Variants in ADGRD1 observed in about 807,000 individuals in gnomAD.
ADGRD1 encodes G-protein coupled receptor 133.
Under a neutral mutation model 113.4 loss-of-function variants are expected in ADGRD1, and 77 were observed. The ratio of observed to expected loss-of-function variants is 0.68; its 90% CI spans 0.57 to 0.82. The LOEUF (loss-of-function observed/expected upper bound fraction) is 0.82, where lower values mean the gene tolerates loss of function less well. ADGRD1 is among the 40% of genes least tolerant of loss of function. ADGRD1 has a pLI of 0.00. For synonymous variants in ADGRD1, 474 were observed against 475.0 expected, an observed-to-expected ratio of 1.00 and a Z score of 0.03; for missense variants, 1,036 against 1,139.1, an observed-to-expected ratio of 0.91 and a Z score of 1.30.
At chr12:131,076,159 T>C (rs1243491373) in intron 13 of ADGRD1, among the ~76,000 whole-genome samples, 2 of 152,198 alleles carry the variant, frequency 1.3e-5, no homozygotes, top group East Asian at 3.9e-4. Context: ...TGTTCATTCA[T>C]TGAACAGATA....
At chr12:130,962,302 T>G (rs1555233548) in intron 2 of ADGRD1, 1 of 152,294 alleles carries the variant, frequency 6.6e-6, no homozygotes, top group Non-Finnish European at 1.5e-5. Flanking sequence ...GAACTCTGGC[T>G]GGCTTTGGGG....
At chr12:131,088,620 G>A (rs996487718) in intron 15 of ADGRD1, among the ~76,000 whole-genome samples, 1 of 152,188 alleles carries the variant, frequency 6.6e-6, no homozygotes, top group Non-Finnish European at 1.5e-5. Flanking sequence ...GGTCCTCGGG[G>A]AAACGCCAGG....
In ADGRD1 at chr12:130,994,151, G is replaced by A. The variant is rs199580786; in HGVS notation, c.966+1759G>A. 1.7e-5 allele frequency: 6 copies of A among 361,554 alleles called. No homozygotes were observed. In the East Asian group the frequency reaches 3.1e-4, roughly 18 times the overall value. The allele number at this position is 361,554 out of a possible 1,614,324, so 22.4% of individuals were successfully genotyped here. The stretch of plus-strand genomic sequence containing the variant: ...CAGTGTGGGAGCGCTTCCGGGCTCC[G>A]AAGGGAAGGACCCGCGGGGTGTTGG... On this transcript the variant is annotated intron_variant, in intron 8 of 24. Coordinates refer to ENST00000261654, the MANE Select transcript of ADGRD1 (RefSeq NM_198827.5).
Position 131,136,103 on chromosome 12 carries a change from T to A in ADGRD1, c.2334T>A (p.Leu778=). ...GTACCTCGTGGGTCTTTGGCGTGCT[T>A]GCTGTCAACGGTTGTGCTGTGGTTT... ...ILGTSWVFGV[L]AVNGCAVVFQ... is the part of the protein sequence containing the mutation. The change falls in exon 22 of 25, where the codon CTT becomes CTA. Residue 778 remains leucine (L), a synonymous_variant. Coordinates refer to ENST00000261654, the MANE Select transcript of ADGRD1 (RefSeq NM_198827.5). The A allele has an allele frequency of 6.2e-7, 1 of 1,614,230 alleles. No homozygotes were observed. The highest frequency in any genetic ancestry group is 1.1e-5 in the South Asian group (1 of 91,084).
chr12:131,014,015 G>A (rs1878249900), intron 12 of ADGRD1, among the ~76,000 whole-genome samples, 184 bp from the exon 13 acceptor site: 1 of 152,244 alleles, frequency 6.6e-6, no homozygotes, highest in Admixed American at 6.5e-5. Flanking sequence ...GAACTCGCCT[G>A]CAGGTACCAG....
In ADGRD1 at chr12:130,991,039, G is replaced by A. The variant is rs1209112760; in HGVS notation, c.771G>A (p.Thr257=). ...GAAAGCATGCTTTATTGTCTTCAACGCTGCCAAGCCTCTTCATGACATCCA... is the reference window on the plus strand; with the variant it reads ...GAAAGCATGCTTTATTGTCTTCAACACTGCCAAGCCTCTTCATGACATCCA... ...AIGKHALLSS[T]LPSLFMTSTA... The change falls in exon 7 of 25, where the codon ACG becomes ACA. Residue 257 remains threonine (T), a synonymous_variant. Transcript: ENST00000261654. The A allele has an allele frequency of 1.9e-6, 3 of 1,614,002 alleles. No homozygotes were observed. The highest frequency in any genetic ancestry group is 1.7e-5 in the Admixed American group (1 of 60,016).
chr12:131,068,622 A>G (rs1884913054), intron 13 of ADGRD1, among the ~76,000 whole-genome samples: 1 of 152,194 alleles, frequency 6.6e-6, no homozygotes, highest in African/African-American at 2.4e-5. Flanking sequence ...TTCTCCTGAA[A>G]GTTTAAAGAC....
At chr12:131,002,230 T>A (rs926465946) in intron 9 of ADGRD1, among the ~76,000 whole-genome samples, 1 of 152,172 alleles carries the variant, frequency 6.6e-6, no homozygotes, top group African/African-American at 2.4e-5. Context: ...TGTTACAAAA[T>A]ATGAATAACC....
intron 13 of ADGRD1, chr12:131,030,623 A>G (rs1404260573): frequency 6.6e-6 from 1 of 152,230 alleles, no homozygotes; most frequent in African/African-American, 2.4e-5. Flanking sequence ...TCAGCTGCAC[A>G]TCGGGGCAGG....
chr12:131,097,546 T>C (rs1362710884), intron 15 of ADGRD1, among the ~76,000 whole-genome samples: 1 of 152,194 alleles, frequency 6.6e-6, no homozygotes, highest in East Asian at 1.9e-4. Flanking sequence ...TGCTGGCACA[T>C]GCTACGGCTG....
intron 15 of ADGRD1, among the ~76,000 whole-genome samples, chr12:131,102,316 T>C (rs1391944324): frequency 6.6e-6 from 1 of 152,222 alleles, no homozygotes; most frequent in Non-Finnish European, 1.5e-5. Flanking sequence ...TTTGTTTCCA[T>C]TGCCGAGAAT....
At chr12:130,995,452 C>G (rs1238979697) in intron 8 of ADGRD1, among the ~76,000 whole-genome samples, 1 of 152,246 alleles carries the variant, frequency 6.6e-6, no homozygotes, top group African/African-American at 2.4e-5. Flanking sequence ...TCTTCCTTCT[C>G]TCCCTCAGCT....
rs771102978 is a variant in ADGRD1, at chr12:131,004,277, C to T, written c.1236C>T (p.His412=). The part of the protein sequence containing the change: ...AHGQSFIQIP[H]EAFHRHAWST... Reference sequence around the variant, plus strand: ...GGCAGAGCTTCATCCAGATCCCCCACGAGGCCTTCCACAGGCACGGTGAGT... The same window carrying T: ...GGCAGAGCTTCATCCAGATCCCCCATGAGGCCTTCCACAGGCACGGTGAGT... Residue 412 remains histidine, a synonymous_variant, in exon 11 of 25, where the codon CAC becomes CAT. Coordinates refer to ENST00000261654, the MANE Select transcript of ADGRD1 (RefSeq NM_198827.5). The T allele has an allele frequency of 1.2e-5, 20 of 1,612,776 alleles. No individual in the cohort carries two copies. The highest frequency in any genetic ancestry group is 1.7e-4 in the Middle Eastern group (1 of 6,058).
chr12:130,999,319 C>T (rs2136707126), intron 8 of ADGRD1, among the ~76,000 whole-genome samples: 1 of 152,372 alleles, frequency 6.6e-6, no homozygotes, highest in South Asian at 2.1e-4. Flanking sequence ...ACCCATGAGG[C>T]CTGACCTCGT....
At chr12:131,086,173 C>T (rs983493969) in intron 15 of ADGRD1, among the ~76,000 whole-genome samples, 1 of 152,196 alleles carries the variant, frequency 6.6e-6, no homozygotes, top group African/African-American at 2.4e-5. Context: ...TCCGCAGTGT[C>T]TGCACTGGGC....
rs971156232 is a variant in ADGRD1 at position 131,057,961 on chromosome 12, G to T, written c.1474-18840G>T. On this transcript the variant is annotated intron_variant, in intron 13 of 24. Coordinates refer to ENST00000261654, the MANE Select transcript of ADGRD1 (RefSeq NM_198827.5). The surrounding 1 kb of genome is among the most constrained non-coding windows in gnomAD (Gnocchi z 4.2). ...CTTGTTCATGTTTTTCCTTGTCTAT[G>T]CACCAGGGAGAATGAGCTTCTGTTA... 3.9e-5 allele frequency among the ~76,000 whole-genome samples: 6 copies of T among 152,136 alleles called. No individual in the cohort carries two copies. The highest frequency in any genetic ancestry group is 1.4e-4 in the African/African-American group (6 of 41,438).
Position 131,118,399 on chromosome 12 carries a change from A to T in ADGRD1, c.2056A>T (p.Ile686Phe), listed in dbSNP as rs745354273. ...YGMGWGFPLLICIISLSFAMD... is the reference protein window; with the variant it reads ...YGMGWGFPLLFCIISLSFAMD... ...ATCTTCTGCAGGTTTTCCTCTTCTG[A>T]TCTGCATCATTTCACTGTCATTTGC... The change falls in exon 19 of 25, where the codon ATC becomes TTC. Residue 686 changes from isoleucine (I) to phenylalanine (F), a missense_variant. Coordinates refer to ENST00000261654, the MANE Select transcript of ADGRD1 (RefSeq NM_198827.5). 1.1e-5 allele frequency: 17 copies of T among 1,611,734 alleles called. No homozygotes were observed. The highest frequency in any genetic ancestry group is 1.7e-6 in the Non-Finnish European group (2 of 1,179,110).
chr12:131,043,467 A>G (rs911094952), intron 13 of ADGRD1, among the ~76,000 whole-genome samples: 2 of 152,166 alleles, frequency 1.3e-5, no homozygotes, highest in Non-Finnish European at 2.9e-5. Flanking sequence ...CTGGCAAAAC[A>G]TGACTTGGCT....
chr12:131,112,926 C>G (rs1260358734), intron 18 of ADGRD1, among the ~76,000 whole-genome samples: 1 of 152,224 alleles, frequency 6.6e-6, no homozygotes, highest in Admixed American at 6.5e-5. Context: ...GGAAGGGAGT[C>G]CCAACCTTTC....
Sources: allele counts gnomAD v4.1 joint callset (sites outside exome capture counted in the v4.1 genomes callset), GRCh38; gene constraint gnomAD v4.1.1; non-coding constraint Gnocchi (gnomAD v3.1); transcripts MANE v1.5; gene names NCBI Gene and HGNC (gene_info 2026-07-23, HGNC 2026-07-21).